SLAMF7: variants seen among roughly 807,000 people sequenced by gnomAD.
SLAMF7 encodes 19A24 protein.
Under a neutral mutation model 34.1 loss-of-function variants are expected in SLAMF7, and 26 were observed. The ratio of observed to expected loss-of-function variants is 0.76; its 90% CI spans 0.56 to 1.06. SLAMF7 has a LOEUF of 1.06. Among genes scored for constraint, SLAMF7 ranks in the 50% least tolerant of loss-of-function variants. SLAMF7 has a pLI of 0.00. For missense variants in SLAMF7, 399 were observed against 402.5 expected (o/e 0.99, Z 0.07); for synonymous variants, 171 against 156.4 (o/e 1.09, Z -0.70).
chr1:160,751,701 C>G (rs1307788908), intron 5 of SLAMF7: 1 of 414,530 alleles, frequency 2.4e-6, no homozygotes, highest in African/African-American at 2.0e-5. Context: ...CTGCTCCCCT[C>G]CACAGTTCAT....
Position 160,750,427 on chromosome 1 carries a change from G to A in SLAMF7, c.769+4G>A, listed in dbSNP as rs776745641. ...CTGAAGAGAGAGAGACAAGAAGGTA[G>A]AGCGTGTACTATTTTTGTCCTCACC... On this transcript the variant is annotated splice_donor_region_variant and intron_variant, in intron 4 of 6. Transcript: ENST00000368043. 1.2e-6 allele frequency: 2 copies of A among 1,612,896 alleles called. No homozygotes were observed. Among genetic ancestry groups the A allele is most frequent in the Non-Finnish European group, 1.7e-6 (2 of 1,179,500 alleles).
intron 1 of SLAMF7, among the ~76,000 whole-genome samples, chr1:160,739,908 T>C (rs1430644107): frequency 6.6e-6 from 1 of 152,168 alleles, no homozygotes; most frequent in Non-Finnish European, 1.5e-5. Flanking sequence ...TTATGTTTAA[T>C]CCCATGGAGG....
At chr1:160,740,383 C>T (rs1190942063) in intron 1 of SLAMF7, among the ~76,000 whole-genome samples, 1 of 151,932 alleles carries the variant, frequency 6.6e-6, no homozygotes, top group Admixed American at 6.6e-5. Flanking sequence ...ATTATAGAGA[C>T]TTTGAAAGCT....
intron 1 of SLAMF7, among the ~76,000 whole-genome samples, chr1:160,744,581 G>A (rs1012779388): frequency 1.3e-5 from 2 of 152,142 alleles, no homozygotes; most frequent in African/African-American, 4.8e-5. Context: ...ACAGCACTAC[G>A]TGTGTGGAAG....
At chr1:160,752,001 A>G (rs1664671791) in intron 5 of SLAMF7, 185 bp from the exon 6 acceptor site, 2 of 488,884 alleles carry the variant, frequency 4.1e-6, no homozygotes, top group Middle Eastern at 2.9e-4. Flanking sequence ...AAAATTTATT[A>G]TAATAGCAGT....
At chr1:160,740,164 C>T (rs765389448) in intron 1 of SLAMF7, among the ~76,000 whole-genome samples, 2 of 152,022 alleles carry the variant, frequency 1.3e-5, no homozygotes, top group Non-Finnish European at 2.9e-5. Flanking sequence ...CAATATTTTC[C>T]CCTGCATCGC....
chr1:160,747,836 C>A (rs577496624), intron 1 of SLAMF7, among the ~76,000 whole-genome samples: 1 of 152,308 alleles, frequency 6.6e-6, no homozygotes, highest in South Asian at 2.1e-4. Context: ...ACTTACTCCC[C>A]ACATCTGTTT....
Position 160,751,372 on chromosome 1 carries a change from A to G in SLAMF7, c.797A>G (p.Asp266Gly), listed in dbSNP as rs146668709. 1.3e-3 allele frequency: 2,140 copies of G among 1,613,756 alleles called. 3 individuals are homozygous for G. The highest frequency in any genetic ancestry group is 1.5e-3 in the Non-Finnish European group (1,747 of 1,179,800). The change falls in exon 5 of 7, where the codon GAC becomes GGC. Residue 266 changes from aspartate (D) to glycine (G), a missense_variant. Coordinates refer to ENST00000368043, the MANE Select transcript of SLAMF7 (RefSeq NM_021181.5). ...EEYIEEKKRV[D>G]ICRETPNICP... The stretch of plus-strand genomic sequence containing the variant: ...TACATTGAAGAGAAGAAGAGAGTGG[A>G]CATTTGTCGGGAAACTCCTAACATA...
intron 4 of SLAMF7, 168 bp from the exon 5 acceptor site, chr1:160,751,177 A>AT (rs1474925235): frequency 1.2e-5 from 7 of 604,870 alleles, no homozygotes; most frequent in Non-Finnish European, 2.1e-5. Flanking sequence ...ATTTGTTTAG[A>AT]TTTTCCCAGT....
At chr1:160,746,675 G>A (rs949369809) in intron 1 of SLAMF7, among the ~76,000 whole-genome samples, 1 of 152,240 alleles carries the variant, frequency 6.6e-6, no homozygotes, top group Non-Finnish European at 1.5e-5. Flanking sequence ...TGACAGTTAA[G>A]TGCAGAAAAG....
intron 4 of SLAMF7, chr1:160,751,094 C>T (rs552643871): frequency 1.5e-5 from 7 of 456,542 alleles, no homozygotes; most frequent in South Asian, 1.4e-4. Flanking sequence ...CTTTGACTTT[C>T]TCTACTTCCC....
At chr1:160,749,446 C>G (rs1056864277) in intron 2 of SLAMF7, among the ~76,000 whole-genome samples, 1 of 141,964 alleles carries the variant, frequency 7.0e-6, no homozygotes, top group African/African-American at 2.5e-5. Flanking sequence ...AAAGTGAACT[C>G]TCATAGAGAG....
chr1:160,739,500 T>C (rs1571096275), intron 1 of SLAMF7, 144 bp downstream of exon 1: 1 of 689,964 alleles, frequency 1.4e-6, no homozygotes, highest in East Asian at 2.7e-5. Flanking sequence ...ATCTCTGATC[T>C]CTGATTCTCA....
chr1:160,747,515 A>G (rs1311615872), intron 1 of SLAMF7, among the ~76,000 whole-genome samples: 5 of 152,072 alleles, frequency 3.3e-5, no homozygotes, highest in Admixed American at 2.0e-4. Flanking sequence ...CCCCACCTCT[A>G]CTAAAAACAC....
At chr1:160,741,612 G>GA (rs1413740398) in intron 1 of SLAMF7, among the ~76,000 whole-genome samples, 1 of 151,836 alleles carries the variant, frequency 6.6e-6, no homozygotes, top group South Asian at 2.1e-4. Flanking sequence ...ATTTTACACA[G>GA]AAAAAAACAA....
intron 1 of SLAMF7, among the ~76,000 whole-genome samples, chr1:160,745,051 T>C (rs116253471): frequency 0.011 from 1,737 of 152,264 alleles, 26 homozygotes; most frequent in African/African-American, 0.04. Flanking sequence ...AGTATATATG[T>C]ACCAACTGAT....
intron 1 of SLAMF7, among the ~76,000 whole-genome samples, chr1:160,747,721 A>C (rs1352376585): frequency 6.6e-6 from 1 of 152,184 alleles, no homozygotes. Context: ...GTTAATCAAG[A>C]TTATAATTTA....
At chr1:160,742,417 T>A (rs189410400) in intron 1 of SLAMF7, among the ~76,000 whole-genome samples, 1 of 152,268 alleles carries the variant, frequency 6.6e-6, no homozygotes, top group East Asian at 1.9e-4. Context: ...TGAGAAGCCA[T>A]CCAAAGGTGT....
chr1:160,750,593 T>G, intron 4 of SLAMF7, 170 bp downstream of exon 4: 1 of 750,150 alleles, frequency 1.3e-6, no homozygotes, highest in Non-Finnish European at 2.1e-6. Flanking sequence ...CCTGTGCTCC[T>G]TAGTTCTGGA....
Sources: gnomAD v4.1 joint callset for allele counts (sites outside exome capture counted in the v4.1 genomes callset) on GRCh38, gnomAD v4.1.1 for gene constraint, MANE v1.5 for transcripts, NCBI Gene and HGNC (gene_info 2026-07-23, HGNC 2026-07-21) for gene names.